PARP4: variants seen among roughly 807,000 people sequenced by gnomAD.
The protein encoded by PARP4 is protein mono-ADP-ribosyltransferase PARP4.
In PARP4, 120 loss-of-function variants were observed where a neutral mutation model predicts 187.7. The observed-to-expected ratio is 0.64, with a 90% confidence interval of 0.55 to 0.74. PARP4 has a LOEUF of 0.74. Among genes scored for constraint, PARP4 ranks in the 30% least tolerant of loss-of-function variants. The pLI, the probability that PARP4 is intolerant of heterozygous loss-of-function variation, is 0.00. For synonymous variants in PARP4, 654 were observed against 740.9 expected, an observed-to-expected ratio of 0.88 and a Z score of 1.90; for missense variants, 1,836 against 2,070.5, an observed-to-expected ratio of 0.89 and a Z score of 2.20.
At chr13:24,477,935 G>C in intron 13 of PARP4, 78 bp from the exon 14 acceptor site, 1 of 1,174,738 alleles carries the variant, frequency 8.5e-7, no homozygotes, top group Non-Finnish European at 1.2e-6. Flanking sequence ...TTTCATAAAA[G>C]CATGTTTGCT....
intron 25 of PARP4, 45 bp from the exon 26 acceptor site, chr13:24,447,231 G>A (rs773205478): frequency 1.4e-6 from 2 of 1,386,012 alleles, no homozygotes; most frequent in Non-Finnish European, 2.0e-6. Context: ...GCTCCATCCA[G>A]AAAATAGTTA....
chr13:24,450,165 A>G (rs997611168), intron 24 of PARP4, among the ~76,000 whole-genome samples: 2 of 152,122 alleles, frequency 1.3e-5, no homozygotes, highest in African/African-American at 2.4e-5. Flanking sequence ...ATAAATAACA[A>G]TATTACCTGA....
intron 10 of PARP4, among the ~76,000 whole-genome samples, chr13:24,487,476 G>T (rs61948873): frequency 0.11 from 16,790 of 149,330 alleles, no homozygotes; most frequent in African/African-American, 0.19. Context: ...CAGGATAACA[G>T]GATCTGGATT....
At chr13:24,498,617 A>C (rs1869092695) in intron 5 of PARP4, among the ~76,000 whole-genome samples, 1 of 152,194 alleles carries the variant, frequency 6.6e-6, no homozygotes. Context: ...TTTTAGAGAC[A>C]GGTCTTGCCA....
At chr13:24,437,740 G>A (rs1317314998) in intron 30 of PARP4, among the ~76,000 whole-genome samples, 3 of 151,952 alleles carry the variant, frequency 2.0e-5, no homozygotes, top group Non-Finnish European at 4.4e-5. Context: ...TCAGGAGGCT[G>A]AGGTGAGAGG....
rs1566016563 is a variant in PARP4, at chr13:24,490,783, G to GT, written c.1098dup (p.Pro367ThrfsTer17). 3 of 1,614,060 alleles carry GT rather than the reference G, an allele frequency of 1.9e-6. No homozygotes were observed. The highest frequency in any genetic ancestry group is 4.5e-5 in the East Asian group (2 of 44,884). On this transcript the variant is annotated frameshift_variant, in exon 10 of 34. Coordinates refer to ENST00000381989, the MANE Select transcript of PARP4 (RefSeq NM_006437.4). LOFTEE classifies it high-confidence loss of function. ...TATTTGGCCAGGGATGGTGGGTTGG[G>GT]TTTGGACAAATTAGTTTCACAGACA...
In PARP4 at chr13:24,453,564, T is replaced by C. The variant is rs199933071; in HGVS notation, c.2826+23A>G. 1.2e-4 allele frequency: 182 copies of C among 1,462,326 alleles called. No homozygotes were observed. The African/African-American group carries it at 2.3e-3, about 18-fold the overall frequency. 90.6% of individuals were successfully genotyped at this position (1,462,326 alleles called of 1,614,324 possible). On this transcript the variant is annotated intron_variant, in intron 23 of 33. Coordinates refer to ENST00000381989, the MANE Select transcript of PARP4 (RefSeq NM_006437.4). ...GCATGGTAGGAAAAGACCCAGGAGA[T>C]ACAGGAAGCCTCTTGCACTCACCAT...
intron 31 of PARP4, among the ~76,000 whole-genome samples, chr13:24,432,911 C>G (rs1208055173): frequency 6.6e-6 from 1 of 152,092 alleles, no homozygotes; most frequent in African/African-American, 2.4e-5. Flanking sequence ...GGGTGTGGTC[C>G]TAGGCAGGTG....
At chr13:24,507,616 C>T (rs1278598264) in intron 1 of PARP4, among the ~76,000 whole-genome samples, 2 of 152,262 alleles carry the variant, frequency 1.3e-5, no homozygotes, top group South Asian at 2.1e-4. Context: ...CCTGCTGCCA[C>T]CCTGGCCCAT....
chr13:24,506,405 G>A (rs547121904), intron 1 of PARP4, among the ~76,000 whole-genome samples: 3 of 152,258 alleles, frequency 2.0e-5, no homozygotes, highest in South Asian at 4.2e-4. Context: ...GAGGACCCCA[G>A]CAGGTTGCCA....
At chr13:24,487,524 T>A (rs61948874) in intron 10 of PARP4, among the ~76,000 whole-genome samples, 1 of 151,700 alleles carries the variant, frequency 6.6e-6, no homozygotes, top group East Asian at 1.9e-4. Context: ...AGCCAACAGA[T>A]GAAGGACACT....
chr13:24,439,535 G>T (rs892633452), intron 30 of PARP4, among the ~76,000 whole-genome samples: 2 of 151,946 alleles, frequency 1.3e-5, no homozygotes, highest in Admixed American at 1.3e-4. Context: ...TCTTATTTTT[G>T]TTAATTTAAT....
rs1396976010 is a variant in PARP4, at chr13:24,421,097, T to G, written c.*22A>C. The G allele has an allele frequency of 8.5e-7, 1 of 1,169,648 alleles. No individual in the cohort carries two copies. Among genetic ancestry groups the G allele is most frequent in the Non-Finnish European group, 1.2e-6 (1 of 841,816 alleles). 72.5% of individuals were successfully genotyped at this position (1,169,648 alleles called of 1,614,324 possible). Reference sequence around the variant, plus strand: ...TTCTACATAGAAGCATGCAAAAAGTTTAAAATTCAGTTTCATTTGACTTAG... The same window carrying G: ...TTCTACATAGAAGCATGCAAAAAGTGTAAAATTCAGTTTCATTTGACTTAG... On this transcript the variant is annotated 3_prime_UTR_variant, in exon 34 of 34. Coordinates refer to ENST00000381989, the MANE Select transcript of PARP4 (RefSeq NM_006437.4).
intron 24 of PARP4, 56 bp downstream of exon 24, chr13:24,452,350 C>G (rs1490107894): frequency 3.5e-6 from 5 of 1,426,776 alleles, no homozygotes; most frequent in Admixed American, 2.0e-5. Flanking sequence ...CCCTGCAGGG[C>G]AACAAGACGA....
In PARP4 at chr13:24,478,206, G is replaced by GGGCT. The variant is rs1168798428; in HGVS notation, c.1515_1518dup (p.Leu507SerfsTer10). 1 of 1,613,488 alleles carries GGGCT rather than the reference G, an allele frequency of 6.2e-7. No individual in the cohort carries two copies. The highest frequency in any genetic ancestry group is 8.5e-7 in the Non-Finnish European group (1 of 1,179,686). On this transcript the variant is annotated frameshift_variant, in exon 13 of 34. Transcript: ENST00000381989. LOFTEE classifies it high-confidence loss of function. ...TCATGTAAGTCCATACACTTTCCGA[G>GGGCT]GGCTACGTCACAAATGAGCAGGAGT... is the stretch of plus-strand genomic sequence containing the variant.
chr13:24,434,972 T>C lies in PARP4; in HGVS notation c.4169A>G (p.Asn1390Ser). The change falls in exon 31 of 34, where the codon AAC (asparagine) becomes AGC (serine). Residue 1390 changes from asparagine to serine, a missense_variant. Physicochemically the swap from Asn to Ser is conservative, Grantham distance 46. Transcript: ENST00000381989. ...SASCPTGPPQ[N>S]PPSSPYCGIV... ...GCCACAATAGGGTGAAGAAGGTGGG[T>C]TCTGGGGAGGTCCTGTGGGACAAGA... 6.2e-7 allele frequency: 1 copy of C among 1,613,634 alleles called. No homozygotes were observed. The highest frequency in any genetic ancestry group is 8.5e-7 in the Non-Finnish European group (1 of 1,179,888).
chr13:24,505,222 T>C (rs565686504), intron 1 of PARP4, among the ~76,000 whole-genome samples: 18 of 152,266 alleles, frequency 1.2e-4, no homozygotes, highest in African/African-American at 4.1e-4. Flanking sequence ...TGCGGCTTTA[T>C]GTGCAGCACA....
rs1426331094 is a variant in PARP4 at position 24,463,284 on chromosome 13, C to G, written c.2134-3148G>C. 2.0e-5 allele frequency among the ~76,000 whole-genome samples: 3 copies of G among 152,024 alleles called. 1 individual carries two copies. The highest frequency in any genetic ancestry group is 2.0e-4 in the Admixed American group (3 of 15,254). On this transcript the variant is annotated intron_variant, in intron 17 of 33. Coordinates refer to ENST00000381989, the MANE Select transcript of PARP4 (RefSeq NM_006437.4). Reference sequence around the variant, plus strand: ...AAACTGTCACCTAGAATCCCATACTCAGCAAAAAATATCTTTCAAAAATGA... The same window carrying G: ...AAACTGTCACCTAGAATCCCATACTGAGCAAAAAATATCTTTCAAAAATGA...
At position 24,486,168 on chromosome 13, in the gene PARP4, C is replaced by T. The variant is rs1429179560; in HGVS notation, c.1352G>A (p.Arg451Gln). Residue 451 changes from arginine (R) to glutamine (Q), a missense_variant and splice_region_variant, in exon 11 of 34, where the codon CGA becomes CAA. Transcript: ENST00000381989. ...GAAAAATAAAGATGGCTACTCTTAC[C>T]GACACAAGATTCCCACGATGTTTTG... ...PVQNIVGILCRGLLLPKVVED... is the reference protein window; with the variant it reads ...PVQNIVGILCQGLLLPKVVED... 14 of 1,607,320 alleles carry T rather than the reference C, an allele frequency of 8.7e-6. No homozygotes were observed. Among genetic ancestry groups the T allele is most frequent in the East Asian group, 4.5e-5 (2 of 44,752 alleles).
Sources: gnomAD v4.1 joint callset for allele counts (sites outside exome capture counted in the v4.1 genomes callset) on GRCh38, gnomAD v4.1.1 for gene constraint, MANE v1.5 for transcripts, NCBI Gene and HGNC (gene_info 2026-07-23, HGNC 2026-07-21) for gene names.